Variants in ASPM observed in about 807,000 individuals in gnomAD.
ASPM encodes the protein abnormal spindle-like microcephaly-associated protein.
ASPM carries 256 observed loss-of-function variants against 366.4 expected under a neutral mutation model. That is an observed-to-expected ratio of 0.70 (90% CI 0.63 to 0.77). The LOEUF is 0.77. ASPM is among the 30% of genes least tolerant of loss of function. ASPM has a pLI of 0.00. For missense variants in ASPM, 4,146 were observed against 4,090.4 expected (o/e 1.01, Z -0.37); for synonymous variants, 1,414 against 1,342.9 (o/e 1.05, Z -1.16).
At chr1:197,128,236 G>C (rs1377628660) in intron 10 of ASPM, among the ~76,000 whole-genome samples, 1 of 150,418 alleles carries the variant, frequency 6.6e-6, no homozygotes, top group Non-Finnish European at 1.5e-5. Flanking sequence ...CTCCTATTCT[G>C]AGACATCAGT....
At chr1:197,134,954 C>T (rs185619136) in intron 5 of ASPM, 142 bp downstream of exon 5, 5 of 692,816 alleles carry the variant, frequency 7.2e-6, no homozygotes, top group South Asian at 2.0e-5. Flanking sequence ...AAAATTCTTA[C>T]CTATACAAGC....
chr1:197,132,079 A>G (rs1309772115), intron 7 of ASPM, among the ~76,000 whole-genome samples: 2 of 151,816 alleles, frequency 1.3e-5, no homozygotes, highest in Non-Finnish European at 2.9e-5. Flanking sequence ...GTATTACAAT[A>G]TGGTGTAATA....
chr1:197,146,528 C>G lies in ASPM; in HGVS notation c.-91G>C. On this transcript the variant is annotated 5_prime_UTR_variant, in exon 1 of 28. Transcript: ENST00000367409. ...TCCGGGACTTACGCTGACCGCTTCC[C>G]CTCAGGGGCGGCTGTAGAGGTCGTG... 1 of 1,442,104 alleles carries G rather than the reference C, an allele frequency of 6.9e-7. No homozygotes were observed. Among genetic ancestry groups the G allele is most frequent in the Non-Finnish European group, 9.5e-7 (1 of 1,048,912 alleles). 89.3% of individuals were successfully genotyped at this position (1,442,104 alleles called of 1,614,324 possible).
In ASPM at chr1:197,102,800, T is replaced by C; in HGVS notation, c.6451A>G (p.Arg2151Gly). The C allele has an allele frequency of 6.2e-7, 1 of 1,612,366 alleles. No homozygotes were observed. The highest frequency in any genetic ancestry group is 2.2e-5 in the East Asian group (1 of 44,806). ...KAAIVIQVRC[R>G]AYYQGKMQRE... ...TGCATTTTACCTTGATAATATGCTC[T>C]ACATCTTACTTGAATAACAATAGCT... is the stretch of plus-strand genomic sequence containing the variant. Residue 2151 changes from arginine (R) to glycine (G), a missense_variant, in exon 18 of 28, where the codon AGA (arginine) becomes GGA (glycine). Arg to Gly is a moderately radical substitution (Grantham distance 125, BLOSUM62 -2). Around this residue, in one of 3 missense-constraint regions of ASPM, gnomAD observed 3,624 missense variants for 3,591.7 expected, o/e 1.01. Coordinates refer to ENST00000367409, the MANE Select transcript of ASPM (RefSeq NM_018136.5).
rs1658626134 is a variant in ASPM, at chr1:197,142,646, TTTGA to T, written c.1602_1605del (p.Asn534LysfsTer14). The T allele has an allele frequency of 2.5e-6, 4 of 1,612,206 alleles. No homozygotes were observed. The highest frequency in any genetic ancestry group is 4.5e-5 in the East Asian group (2 of 44,866). On this transcript the variant is annotated frameshift_variant, in exon 3 of 28. Transcript: ENST00000367409. LOFTEE classifies it high-confidence loss of function. Reference sequence around the variant, plus strand: ...TAAGAATGAAAATCTTCTTTTTCCTTTTGATTATTTATTACTTTTTCATGTTCAC... The same window carrying T: ...TAAGAATGAAAATCTTCTTTTTCCTTTTATTTATTACTTTTTCATGTTCAC...
At chr1:197,132,162 A>C in intron 7 of ASPM, 123 bp downstream of exon 7, 1 of 725,686 alleles carries the variant, frequency 1.4e-6, no homozygotes, top group African/African-American at 1.8e-5. Context: ...TAAAAGATGA[A>C]TCAAGCTAAC....
Position 197,103,679 on chromosome 1 carries a change from A to T in ASPM, c.5572T>A (p.Tyr1858Asn), listed in dbSNP as rs1338772800. 3.1e-6 allele frequency: 5 copies of T among 1,612,758 alleles called. No individual in the cohort carries two copies. The highest frequency in any genetic ancestry group is 4.2e-6 in the Non-Finnish European group (5 of 1,179,384). The change falls in exon 18 of 28, where the codon TAC becomes AAC. Residue 1858 changes from tyrosine (Y) to asparagine (N), a missense_variant. Physicochemically the swap from Tyr to Asn is moderately radical, Grantham distance 143. Around this residue, in one of 3 missense-constraint regions of ASPM, gnomAD observed 3,624 missense variants for 3,591.7 expected, o/e 1.01. Transcript: ENST00000367409. Reference sequence around the variant, plus strand: ...TCATGAAGAGTCTTGTACGCCCTGTACCATCTCTGAATCTTTATTATAGAT... The same window carrying T: ...TCATGAAGAGTCTTGTACGCCCTGTTCCATCTCTGAATCTTTATTATAGAT... ...LQSIIKIQRW[Y>N]RAYKTLHDTR...
In ASPM at chr1:197,143,075, G is replaced by A. The variant is rs767660438; in HGVS notation, c.1177C>T (p.Pro393Ser). 6 of 1,612,622 alleles carry A rather than the reference G, an allele frequency of 3.7e-6. No individual in the cohort carries two copies. In the East Asian group the frequency reaches 1.3e-4, roughly 36 times the overall value. The change falls in exon 3 of 28, where the codon CCT becomes TCT. Residue 393 changes from proline (P) to serine (S), a missense_variant. Physicochemically the swap from Pro to Ser is moderately conservative, Grantham distance 74. Transcript: ENST00000367409. ...ESESVNPILS[P>S]NQFLKDNMAY... ...ATGTTATCTTTTAAAAATTGATTAG[G>A]GGATAAAATAGGATTAACTGACTCT...
intron 4 of ASPM, among the ~76,000 whole-genome samples, chr1:197,138,584 C>T (rs1658487154): frequency 6.6e-6 from 1 of 152,200 alleles, no homozygotes; most frequent in African/African-American, 2.4e-5. Context: ...AGGCATGAGC[C>T]ACCACGCCCC....
chr1:197,086,740 A>C, intron 27 of ASPM, 63 bp downstream of exon 27: 2 of 1,375,476 alleles, frequency 1.5e-6, no homozygotes, highest in Non-Finnish European at 2.1e-6. Flanking sequence ...GTGCTCAATA[A>C]ATATTTGTTA....
chr1:197,134,105 T>G (rs1022365225), intron 5 of ASPM, among the ~76,000 whole-genome samples: 1 of 151,946 alleles, frequency 6.6e-6, no homozygotes, highest in Non-Finnish European at 1.5e-5. Context: ...ACCCTTTTAA[T>G]ACAAAAATCC....
Position 197,121,856 on chromosome 1 carries a change from T to C in ASPM, c.3870+59A>G, listed in dbSNP as rs966780389. The C allele has an allele frequency of 3.5e-5, 53 of 1,529,466 alleles. No homozygotes were observed. The African/African-American group carries it at 7.2e-4, about 21-fold the overall frequency. The allele number at this position is 1,529,466 out of a possible 1,614,324, so 94.7% of individuals were successfully genotyped here. On this transcript the variant is annotated intron_variant, in intron 16 of 27. Coordinates refer to ENST00000367409, the MANE Select transcript of ASPM (RefSeq NM_018136.5). ...AATGTAAAATCATATCAAAAATCAA[T>C]CAACAAATACCTTCTAAAGTATAAT...
chr1:197,126,243 C>G (rs1372525866), intron 10 of ASPM, among the ~76,000 whole-genome samples: 3 of 151,936 alleles, frequency 2.0e-5, no homozygotes, highest in Non-Finnish European at 4.4e-5. Flanking sequence ...GAGTTCAAGA[C>G]CAGCCTGACC....
chr1:197,129,038 G>T, intron 9 of ASPM, 149 bp downstream of exon 9: 1 of 778,282 alleles, frequency 1.3e-6, no homozygotes, highest in Non-Finnish European at 2.0e-6. Flanking sequence ...TTACTGATGG[G>T]ACTCACCAGA....
chr1:197,124,622 T>C (rs1489989820), intron 12 of ASPM, among the ~76,000 whole-genome samples: 1 of 151,916 alleles, frequency 6.6e-6, no homozygotes, highest in Non-Finnish European at 1.5e-5. Context: ...AAACTGTAGT[T>C]TCAGTTTCCT....
chr1:197,141,246 C>T (rs887754642), intron 3 of ASPM, among the ~76,000 whole-genome samples: 7 of 151,972 alleles, frequency 4.6e-5, no homozygotes, highest in Non-Finnish European at 8.8e-5. Context: ...ATTCAAATTT[C>T]GGTGTTTATG....
chr1:197,100,376 A>C (rs1249421627), intron 18 of ASPM, 55 bp downstream of exon 18: 2 of 1,190,952 alleles, frequency 1.7e-6, no homozygotes, highest in Non-Finnish European at 2.3e-6. Context: ...ATTCTAACAA[A>C]TATTGGTCAA....
At chr1:197,088,827 A>T (rs1656680661) in intron 25 of ASPM, among the ~76,000 whole-genome samples, 1 of 152,066 alleles carries the variant, frequency 6.6e-6, no homozygotes, top group South Asian at 2.1e-4. Flanking sequence ...TAAAGGCAGG[A>T]TCTAATTAGT....
At position 197,103,170 on chromosome 1, in the gene ASPM, TA is replaced by T; in HGVS notation, c.6080del (p.Leu2027TyrfsTer8). 6.2e-7 allele frequency: 1 copy of T among 1,612,682 alleles called. No individual in the cohort carries two copies. The highest frequency in any genetic ancestry group is 2.2e-5 in the East Asian group (1 of 44,810). On this transcript the variant is annotated frameshift_variant, in exon 18 of 28. Coordinates refer to ENST00000367409, the MANE Select transcript of ASPM (RefSeq NM_018136.5). LOFTEE classifies it high-confidence loss of function. Reference sequence around the variant, plus strand: ...CTTTCATACCACGATAAGCTGACTGTAAAGTTACTACAGCTGCTTTTGTTTT... The same window carrying T: ...CTTTCATACCACGATAAGCTGACTGTAAGTTACTACAGCTGCTTTTGTTTT... ...YLKTKAAVVT[L>X]QSAYRGMKVR...
Sources: gnomAD v4.1 joint callset for allele counts (sites outside exome capture counted in the v4.1 genomes callset) on GRCh38, gnomAD v4.1.1 for gene constraint, gnomAD v4.1.1 regional missense constraint, MANE v1.5 for transcripts, NCBI Gene and HGNC (gene_info 2026-07-23, HGNC 2026-07-21) for gene names.